CEACAM21: variants seen among roughly 807,000 people sequenced by gnomAD.
CEACAM21 encodes cell adhesion molecule CEACAM21.
In CEACAM21, 38 loss-of-function variants were observed where a neutral mutation model predicts 33.2. The ratio of observed to expected loss-of-function variants is 1.14; its 90% CI spans 0.88 to 1.50. The LOEUF (loss-of-function observed/expected upper bound fraction) is 1.50. Among genes scored for constraint, CEACAM21 ranks in the 40% most tolerant of loss-of-function variants. The pLI, the probability that CEACAM21 is intolerant of heterozygous loss-of-function variation, is 0.00. For missense variants in CEACAM21, 385 were observed against 364.6 expected, an observed-to-expected ratio of 1.06 and a Z score of -0.46; for synonymous variants, 156 against 143.0, an observed-to-expected ratio of 1.09 and a Z score of -0.65.
rs117092924 is a variant in CEACAM21, at chr19:41,585,515, G to A, written c.850+20G>A. 205 of 1,613,526 alleles carry A rather than the reference G, an allele frequency of 1.3e-4. No individual in the cohort carries two copies. The African/African-American group carries it at 2.5e-3, about 20-fold the overall frequency. ...CCCCCGGTGAGTGTCCCTTCAGTCT[G>A]GGTGTGGCTGGGAACTACTAAGCCA... On this transcript the variant is annotated intron_variant, in intron 5 of 6. Coordinates refer to ENST00000401445, the MANE Select transcript of CEACAM21 (RefSeq NM_001098506.4).
At chr19:41,572,526 G>A (rs974402886), upstream of CEACAM21, among the ~76,000 whole-genome samples, 29 of 152,002 alleles carry the variant, frequency 1.9e-4, no homozygotes, top group African/African-American at 6.3e-4. Context: ...CACCAACCCC[G>A]ATGCCCTGAC....
intron 2 of CEACAM21, among the ~76,000 whole-genome samples, chr19:41,566,470 G>A (rs1555788370): frequency 2.0e-5 from 3 of 152,202 alleles, no homozygotes; most frequent in East Asian, 1.9e-4. Context: ...TTAATGTGGA[G>A]AAGTATTTTC....
At chr19:41,571,952 T>C, upstream of CEACAM21, among the ~76,000 whole-genome samples, 1 of 132,740 alleles carries the variant, frequency 7.5e-6, no homozygotes, top group South Asian at 2.2e-4. Flanking sequence ...ATTTTGACAC[T>C]TTTTTTTTTT....
upstream of CEACAM21, among the ~76,000 whole-genome samples, chr19:41,574,656 A>T (rs1370522372): frequency 6.6e-6 from 1 of 152,210 alleles, no homozygotes; most frequent in Admixed American, 6.5e-5. Context: ...CACACCTACT[A>T]GAATGGCTAT....
intron 3 of CEACAM21, among the ~76,000 whole-genome samples, chr19:41,581,704 C>T (rs572619068): frequency 1.7e-4 from 26 of 152,294 alleles, no homozygotes; most frequent in African/African-American, 5.5e-4. Flanking sequence ...AGGAACTCCC[C>T]TTTCTAAAAC....
intron 3 of CEACAM21, among the ~76,000 whole-genome samples, chr19:41,580,553 T>C (rs1026146406): frequency 6.6e-6 from 1 of 152,114 alleles, no homozygotes; most frequent in Non-Finnish European, 1.5e-5. Context: ...CTCAAACAGC[T>C]CTCAGGACTC....
chr19:41,577,581 C>G (rs1242735916), intron 2 of CEACAM21, 22 bp downstream of exon 2: 5 of 1,610,884 alleles, frequency 3.1e-6, no homozygotes, highest in Non-Finnish European at 4.2e-6. Flanking sequence ...CTCCGTGCCT[C>G]TGGGTGTTGG....
chr19:41,584,614 G>T (rs981520853), intron 4 of CEACAM21, among the ~76,000 whole-genome samples, 171 bp downstream of exon 4: 9 of 152,108 alleles, frequency 5.9e-5, no homozygotes, highest in Admixed American at 5.9e-4. Flanking sequence ...ACCCTGGGCT[G>T]CTTCCTCAAC....
chr19:41,585,467 G>A lies in CEACAM21; in HGVS notation c.822G>A (p.Arg274=). ...GGGCCAGCGATCAGAGTGACTTCAG[G>A]GAGCAGCAGCCCCCAGCCTCCACCC... ...TGRASDQSDF[R]EQQPPASTPG... is the part of the protein sequence containing the mutation. Residue 274 remains arginine (R), a synonymous_variant, in exon 5 of 7, where the codon AGG becomes AGA. Coordinates refer to ENST00000401445, the MANE Select transcript of CEACAM21 (RefSeq NM_001098506.4). The A allele has an allele frequency of 1.2e-6, 2 of 1,613,776 alleles. No homozygotes were observed. The highest frequency in any genetic ancestry group is 1.3e-5 in the African/African-American group (1 of 74,966).
chr19:41,561,266 T>C (rs1555786776), intron 1 of CEACAM21, among the ~76,000 whole-genome samples: 2 of 152,074 alleles, frequency 1.3e-5, no homozygotes, highest in Admixed American at 6.6e-5. Context: ...GCCTCCCAGG[T>C]ATCGGGGATT....
chr19:41,582,322 G>C (rs7253372), intron 3 of CEACAM21, among the ~76,000 whole-genome samples: 14 of 152,232 alleles, frequency 9.2e-5, no homozygotes, highest in Non-Finnish European at 1.8e-4. Context: ...ATAGGCTGGC[G>C]TTGAGTGTCT....
rs553295306 is a variant in CEACAM21, at chr19:41,568,213, T to C, written c.-404+3157T>C. On this transcript the variant is annotated intron_variant, in intron 2 of 7. Transcript: ENST00000407170. ...TATGTATATATTTACAAATATATTC[T>C]CCTCCCATTTGTAGGTTGTCTCTTT... Among the ~76,000 whole-genome samples, 40 of 152,212 alleles carry C rather than the reference T, an allele frequency of 2.6e-4. No homozygotes were observed. In the South Asian group the frequency reaches 7.9e-3, roughly 30 times the overall value.
chr19:41,581,122 A>G (rs1555793360), intron 3 of CEACAM21, among the ~76,000 whole-genome samples: 1 of 152,266 alleles, frequency 6.6e-6, no homozygotes. Flanking sequence ...TAACATGTTC[A>G]TAATGGCCCT....
At chr19:41,576,803 G>A (rs1009817500) in intron 1 of CEACAM21, among the ~76,000 whole-genome samples, 27 of 152,130 alleles carry the variant, frequency 1.8e-4, no homozygotes, top group African/African-American at 6.3e-4. Context: ...CTCATGGGGG[G>A]GAAGACAGAC....
At chr19:41,585,599 G>A in intron 5 of CEACAM21, 104 bp downstream of exon 5, 1 of 1,287,066 alleles carries the variant, frequency 7.8e-7, no homozygotes, top group Non-Finnish European at 1.1e-6. Flanking sequence ...TATCCCTGGG[G>A]CTGCAAAGAG....
Position 41,577,231 on chromosome 19 carries a change from C to T in CEACAM21, c.96C>T (p.Thr32=). 6.2e-7 allele frequency: 1 copy of T among 1,614,096 alleles called. No individual in the cohort carries two copies. The highest frequency in any genetic ancestry group is 8.5e-7 in the Non-Finnish European group (1 of 1,180,012). Residue 32 remains threonine (T), a synonymous_variant, in exon 2 of 7, where the codon ACC becomes ACT. Coordinates refer to ENST00000401445, the MANE Select transcript of CEACAM21 (RefSeq NM_001098506.4). Reference sequence around the variant, plus strand: ...TTTTAACTTTCTGGAACGCACCCACCACTGCCTGGCTCTTTATTGCATCAG... The same window carrying T: ...TTTTAACTTTCTGGAACGCACCCACTACTGCCTGGCTCTTTATTGCATCAG... ...ASLLTFWNAP[T]TAWLFIASAP... is the part of the protein sequence containing the mutation.
rs572947399 is a variant in CEACAM21 at position 41,584,918 on chromosome 19, C to T, written c.797+475C>T. Among the ~76,000 whole-genome samples, 3 of 152,312 alleles carry T rather than the reference C, an allele frequency of 2.0e-5. No homozygotes were observed. In the South Asian group the frequency reaches 6.2e-4, roughly 32 times the overall value. Reference sequence around the variant, plus strand: ...GAGCTGTGAGAAGGGAGAACCGGGGCCCCAATATGGCATATCCTGGAATGT... The same window carrying T: ...GAGCTGTGAGAAGGGAGAACCGGGGTCCCAATATGGCATATCCTGGAATGT... On this transcript the variant is annotated intron_variant, in intron 4 of 6. Transcript: ENST00000401445.
At chr19:41,579,922 A>C (rs1782265563) in intron 3 of CEACAM21, among the ~76,000 whole-genome samples, 1 of 152,218 alleles carries the variant, frequency 6.6e-6, no homozygotes, top group South Asian at 2.1e-4. Context: ...TTCAGAGATT[A>C]ATGCGATTAA....
intron 1 of CEACAM21, chr19:41,554,953 A>C (rs895380326): frequency 3.3e-5 from 5 of 151,788 alleles, no homozygotes; most frequent in African/African-American, 1.2e-4. Flanking sequence ...TAATCTAGGC[A>C]AAAAAAATCC....
Sources: gnomAD v4.1 joint callset for allele counts (sites outside exome capture counted in the v4.1 genomes callset) on GRCh38, gnomAD v4.1.1 for gene constraint, MANE v1.5 for transcripts, NCBI Gene and HGNC (gene_info 2026-07-23, HGNC 2026-07-21) for gene names.